CSMD2: variants seen among roughly 807,000 people sequenced by gnomAD.
CSMD2 encodes the protein CUB and sushi domain-containing protein 2.
Under a neutral mutation model 398.5 loss-of-function variants are expected in CSMD2, and 130 were observed. The observed-to-expected ratio is 0.33, with a 90% CI of 0.28 to 0.38. The LOEUF is 0.38. CSMD2 is among the 10% of genes least tolerant of loss of function. The pLI is 1.00. For missense variants in CSMD2, 3,829 were observed against 4,764.9 expected, an observed-to-expected ratio of 0.80 and a Z score of 5.78; for synonymous variants, 1,828 against 1,908.5, an observed-to-expected ratio of 0.96 and a Z score of 1.10.
intron 1 of CSMD2, among the ~76,000 whole-genome samples, chr1:34,122,926 G>A (rs894933132): frequency 2.2e-4 from 33 of 152,196 alleles, no homozygotes; most frequent in African/African-American, 7.7e-4. Flanking sequence ...CACTTGCTAG[G>A]TGAAGGCCCT....
Position 33,732,443 on chromosome 1 carries a change from T to G in CSMD2, c.2369-5758A>C, listed in dbSNP as rs569882522. 2.0e-5 allele frequency among the ~76,000 whole-genome samples: 3 copies of G among 152,162 alleles called. No individual in the cohort carries two copies. The East Asian group carries it at 5.8e-4, about 29-fold the overall frequency. On this transcript the variant is annotated intron_variant, in intron 15 of 70. Transcript: ENST00000373381. ...TCATGAGGATAGAGCCCTAGTCCAG[T>G]AGGACTGGTGTCCTCATTATAAGAG...
At chr1:33,912,758 T>C (rs1643521943) in intron 5 of CSMD2, among the ~76,000 whole-genome samples, 1 of 152,154 alleles carries the variant, frequency 6.6e-6, no homozygotes, top group South Asian at 2.1e-4. Flanking sequence ...TTCCTAGTCC[T>C]GCACAGAGCT....
intron 1 of CSMD2, among the ~76,000 whole-genome samples, chr1:34,126,807 GAGA>G (rs1558428554): frequency 6.6e-6 from 1 of 151,960 alleles, no homozygotes; most frequent in Non-Finnish European, 1.5e-5. Context: ...AGACATAGGG[GAGA>G]GAGAGAGACA....
intron 60 of CSMD2, among the ~76,000 whole-genome samples, chr1:33,539,404 T>C (rs904075752): frequency 6.6e-6 from 1 of 152,160 alleles, no homozygotes; most frequent in Non-Finnish European, 1.5e-5. Flanking sequence ...CCATTAAAAA[T>C]GATGATGCAT....
In CSMD2 at chr1:33,614,574, G is replaced by A. The variant is rs200061142; in HGVS notation, c.6063C>T (p.Ser2021=). 4.3e-6 allele frequency: 7 copies of A among 1,613,110 alleles called. No homozygotes were observed. In the African/African-American group the frequency reaches 8.0e-5, roughly 18 times the overall value. The part of the protein sequence containing the change: ...TVEEMEGVIL[S]PGFPGNYPSN... Reference sequence around the variant, plus strand: ...TGGGGTAGTTGCCTGGGAAGCCGGGGCTCAGGATCACCCCCTCCATCTCCT... The same window carrying A: ...TGGGGTAGTTGCCTGGGAAGCCGGGACTCAGGATCACCCCCTCCATCTCCT... Residue 2021 remains serine, a synonymous_variant, in exon 40 of 71, where the codon AGC becomes AGT. Coordinates refer to ENST00000373381, the MANE Select transcript of CSMD2 (RefSeq NM_001281956.2).
intron 2 of CSMD2, among the ~76,000 whole-genome samples, chr1:34,072,403 G>A (rs931819898): frequency 1.3e-5 from 2 of 152,146 alleles, no homozygotes; most frequent in African/African-American, 4.8e-5. Context: ...CAGAAGTTCA[G>A]GGAGTAAGAG....
intron 11 of CSMD2, 60 bp downstream of exon 11, chr1:33,792,363 C>G (rs1477460637): frequency 8.0e-7 from 1 of 1,252,292 alleles, no homozygotes; most frequent in African/African-American, 1.5e-5. Context: ...TCCACAAACC[C>G]CACCCCACCA....
At chr1:33,689,970 G>A (rs954838133) in intron 25 of CSMD2, among the ~76,000 whole-genome samples, 2 of 152,136 alleles carry the variant, frequency 1.3e-5, no homozygotes, top group African/African-American at 2.4e-5. Context: ...AATGTCCCCT[G>A]AATTTTCTCT....
chr1:34,111,666 G>A (rs144914618), intron 1 of CSMD2, among the ~76,000 whole-genome samples: 1 of 152,274 alleles, frequency 6.6e-6, no homozygotes, highest in East Asian at 1.9e-4. Context: ...GCTTGCCCAA[G>A]CTCACACATA....
At chr1:34,157,536 C>G (rs1469850661) in intron 1 of CSMD2, among the ~76,000 whole-genome samples, 3 of 151,914 alleles carry the variant, frequency 2.0e-5, no homozygotes, top group Non-Finnish European at 4.4e-5. Flanking sequence ...TTGTTCCATT[C>G]TACTCGACCC....
intron 56 of CSMD2, 103 bp from the exon 57 acceptor site, chr1:33,546,322 G>A (rs563803560): frequency 3.3e-6 from 4 of 1,201,030 alleles, no homozygotes; most frequent in Admixed American, 5.1e-5. Context: ...GGATGCAGTG[G>A]GTCCCACGAA....
At chr1:33,953,711 A>C (rs1398946273) in intron 3 of CSMD2, among the ~76,000 whole-genome samples, 2 of 152,192 alleles carry the variant, frequency 1.3e-5, no homozygotes, top group South Asian at 4.1e-4. Context: ...TTTGCCCAGC[A>C]TGGCTCACCT....
At chr1:33,572,868 T>C (rs115973175) in intron 49 of CSMD2, among the ~76,000 whole-genome samples, 177 bp from the exon 50 acceptor site, 75,636 of 151,728 alleles carry the variant, frequency 0.5, 19,082 homozygotes, top group Admixed American at 0.63. Flanking sequence ...TTTCTTCTTT[T>C]TTTTTTTAAG....
chr1:33,789,139 C>T (rs1448327000), intron 11 of CSMD2, among the ~76,000 whole-genome samples: 1 of 152,140 alleles, frequency 6.6e-6, no homozygotes, highest in Non-Finnish European at 1.5e-5. Context: ...ATGTGGGTTT[C>T]CCCTCACAGA....
At chr1:33,800,710 G>T (rs910050324) in intron 10 of CSMD2, among the ~76,000 whole-genome samples, 4 of 152,306 alleles carry the variant, frequency 2.6e-5, no homozygotes, top group East Asian at 1.9e-4. Flanking sequence ...AAGCGGGCAG[G>T]GTTTGTCTTC....
At chr1:34,150,085 T>TC (rs1193408952) in intron 1 of CSMD2, among the ~76,000 whole-genome samples, 1 of 145,600 alleles carries the variant, frequency 6.9e-6, no homozygotes, top group Non-Finnish European at 1.5e-5. Context: ...CTTTCTTTTT[T>TC]TTTTGTTTTT....
At chr1:33,890,212 T>C (rs1228882727) in intron 5 of CSMD2, among the ~76,000 whole-genome samples, 1 of 149,526 alleles carries the variant, frequency 6.7e-6, no homozygotes, top group East Asian at 2.0e-4. Context: ...TATAAAAGAA[T>C]ATACATATTC....
chr1:33,651,475 G>T (rs1643751520), intron 28 of CSMD2, among the ~76,000 whole-genome samples: 2 of 152,226 alleles, frequency 1.3e-5, no homozygotes, highest in African/African-American at 2.4e-5. Flanking sequence ...GCCAGGGTGG[G>T]CAGCAGAATG....
At chr1:34,071,371 G>A (rs908023816) in intron 2 of CSMD2, among the ~76,000 whole-genome samples, 3 of 152,208 alleles carry the variant, frequency 2.0e-5, no homozygotes, top group African/African-American at 7.2e-5. Flanking sequence ...TGCAGCTCCT[G>A]GGGCAACTGG....
Sources: allele counts gnomAD v4.1 joint callset (sites outside exome capture counted in the v4.1 genomes callset), GRCh38; gene constraint gnomAD v4.1.1; transcripts MANE v1.5; gene names NCBI Gene and HGNC (gene_info 2026-07-23, HGNC 2026-07-21).